The following GRM4 variants were observed in gnomAD, a reference collection of about 807,000 sequenced individuals.
The protein encoded by GRM4 is metabotropic glutamate receptor 4.
A neutral mutation model predicts 81.7 loss-of-function variants in GRM4; 28 were observed. That is an observed-to-expected ratio of 0.34 (90% confidence interval 0.25 to 0.47). The LOEUF (loss-of-function observed/expected upper bound fraction) is 0.47, where lower values mean the gene tolerates loss of function less well. Ranked by LOEUF, GRM4 falls within the 20% of genes least tolerant of loss-of-function variation. GRM4 has a pLI of 1.00. For missense variants in GRM4, 948 were observed against 1,290.0 expected (o/e 0.73, Z 4.06); for synonymous variants, 488 against 528.8 (o/e 0.92, Z 1.06).
At chr6:34,125,557 AG>A (rs1412280788) in intron 2 of GRM4, among the ~76,000 whole-genome samples, 6 of 152,236 alleles carry the variant, frequency 3.9e-5, no homozygotes, top group Non-Finnish European at 8.8e-5. Flanking sequence ...ACAAGCTGCT[AG>A]GCTTGAGAGC....
At chr6:34,108,537 C>T (rs1033011001) in intron 2 of GRM4, among the ~76,000 whole-genome samples, 1 of 152,206 alleles carries the variant, frequency 6.6e-6, no homozygotes, top group African/African-American at 2.4e-5. Context: ...AAGGATTGGA[C>T]GGAATCACCT....
chr6:34,125,314 T>C (rs778774142), intron 2 of GRM4, among the ~76,000 whole-genome samples: 6 of 152,222 alleles, frequency 3.9e-5, no homozygotes, highest in Non-Finnish European at 7.3e-5. Flanking sequence ...ACATCCTGCC[T>C]GCCTCCATTC....
intron 2 of GRM4, among the ~76,000 whole-genome samples, chr6:34,117,080 C>T (rs1769629632): frequency 6.6e-6 from 1 of 152,132 alleles, no homozygotes; most frequent in Admixed American, 6.5e-5. Flanking sequence ...TATCGGATAC[C>T]GGCAAATGCA....
Position 34,059,272 on chromosome 6 carries a change from A to C in GRM4, c.873-144T>G. 1.4e-6 allele frequency: 1 copy of C among 717,254 alleles called. No individual in the cohort carries two copies. Among genetic ancestry groups the C allele is most frequent in the Non-Finnish European group, 2.4e-6 (1 of 425,384 alleles). The allele number at this position is 717,254 out of a possible 1,614,324, so 44.4% of individuals were successfully genotyped here. A position where few individuals can be genotyped will look rare whatever the true frequency, so the allele number is the denominator to read the frequency against. On this transcript the variant is annotated intron_variant, in intron 4 of 10. Coordinates refer to ENST00000538487, the MANE Select transcript of GRM4 (RefSeq NM_000841.4). This position sits in a 1 kb window ranked among gnomAD's most constrained non-coding sequence, Gnocchi z 5.7. Reference sequence around the variant, plus strand: ...GTCCCAGCACCGATGCTTTCACCCCAAGCCATGGATTCCCCCTACCCGCTG... The same window carrying C: ...GTCCCAGCACCGATGCTTTCACCCCCAGCCATGGATTCCCCCTACCCGCTG...
At chr6:34,072,981 TACCACACACACACATCACACAGATACAC>T (rs1767048150) in intron 3 of GRM4, among the ~76,000 whole-genome samples, 1 of 8,166 alleles carries the variant, frequency 1.2e-4, no homozygotes, top group Non-Finnish European at 2.5e-4. Context: ...CACAGATACA[TACCACACACACACATCACACAGATACAC>T]ACCACACACA....
Position 34,048,796 on chromosome 6 carries a change from C to T in GRM4, c.1168+7748G>A, listed in dbSNP as rs1765473443. Among the ~76,000 whole-genome samples, 1 of 152,076 alleles carries T rather than the reference C, an allele frequency of 6.6e-6. No individual in the cohort carries two copies. The highest frequency in any genetic ancestry group is 1.5e-5 in the Non-Finnish European group (1 of 68,006). On this transcript the variant is annotated intron_variant, in intron 6 of 10. Transcript: ENST00000538487. The surrounding 1 kb of genome is among the most constrained non-coding windows in gnomAD (Gnocchi z 4.0). ...CACTTCCCCTCTCGCCTTCTCTCTC[C>T]TGTTCCACCATGGTAAGCCGTGCTT...
chr6:34,150,677 C>T (rs1385371298), upstream of GRM4, among the ~76,000 whole-genome samples: 1 of 151,966 alleles, frequency 6.6e-6, no homozygotes, highest in East Asian at 1.9e-4. Flanking sequence ...GCTTCCACTT[C>T]CCTTCCCCAG....
intron 2 of GRM4, among the ~76,000 whole-genome samples, chr6:34,127,220 C>T (rs1001329321): frequency 3.3e-5 from 5 of 152,084 alleles, no homozygotes; most frequent in Non-Finnish European, 5.9e-5. Context: ...AGGAAAAGAA[C>T]AGGGAAAGAG....
chr6:34,056,076 C>T lies in GRM4; in HGVS notation c.1168+468G>A, dbSNP rs554015943. 85 of 154,752 alleles carry T rather than the reference C, an allele frequency of 5.5e-4. 1 individual carries two copies. In the South Asian group the frequency reaches 0.01, roughly 19 times the overall value. The allele number at this position is 154,752 out of a possible 1,614,324, so 9.6% of individuals were successfully genotyped here. A position where few individuals can be genotyped will look rare whatever the true frequency, so the allele number is the denominator to read the frequency against. On this transcript the variant is annotated intron_variant, in intron 6 of 10. Coordinates refer to ENST00000538487, the MANE Select transcript of GRM4 (RefSeq NM_000841.4). ...TCCCCATTAGAATAAAAACTCCAAG[C>T]GCCATTGGACTCTTTCTTCACTGCT...
rs1764672099 is a variant in GRM4 at position 34,035,844 on chromosome 6, G to A, written c.2266C>T (p.Leu756=). 1 of 1,612,560 alleles carries A rather than the reference G, an allele frequency of 6.2e-7. No homozygotes were observed. Among genetic ancestry groups the A allele is most frequent in the Non-Finnish European group, 8.5e-7 (1 of 1,178,670 alleles). ...CDISDLSLIC[L]LGYSMLLMVT... ...ATGAGCAGCATGCTGTAGCCCAGCA[G>A]GCAGATGAGCGACAGGTCCGAGATG... Residue 756 remains leucine (L), a synonymous_variant, in exon 9 of 11, where the codon CTG becomes TTG. Transcript: ENST00000538487. This position sits in a 1 kb window ranked among gnomAD's most constrained non-coding sequence, Gnocchi z 6.6.
intron 2 of GRM4, among the ~76,000 whole-genome samples, chr6:34,100,367 A>C (rs1768769422): frequency 6.6e-6 from 1 of 152,222 alleles, no homozygotes; most frequent in Non-Finnish European, 1.5e-5. Flanking sequence ...CGTGATCTGC[A>C]GTTTCCCCTC....
In GRM4 at chr6:34,092,162, A is replaced by G. The variant is rs1768266993; in HGVS notation, c.520-63T>C. 1 of 1,123,222 alleles carries G rather than the reference A, an allele frequency of 8.9e-7. No homozygotes were observed. 69.6% of individuals were successfully genotyped at this position (1,123,222 alleles called of 1,614,324 possible). On this transcript the variant is annotated intron_variant, in intron 2 of 10. Transcript: ENST00000538487. This position sits in a 1 kb window ranked among gnomAD's most constrained non-coding sequence, Gnocchi z 6.8. The stretch of plus-strand genomic sequence containing the variant: ...CTCCCCACCCTGCCTAGCCAGCCCC[A>G]TTCCCCTACACACCAACCTCCCTTT...
chr6:34,026,622 C>T (rs1764145980), intron 10 of GRM4, among the ~76,000 whole-genome samples: 1 of 152,110 alleles, frequency 6.6e-6, no homozygotes, highest in Non-Finnish European at 1.5e-5. Flanking sequence ...CTCCACACCC[C>T]TCCTCTGGCA....
intron 2 of GRM4, among the ~76,000 whole-genome samples, chr6:34,126,492 CT>C (rs1309318500): frequency 1.3e-5 from 2 of 152,204 alleles, no homozygotes; most frequent in Non-Finnish European, 2.9e-5. Flanking sequence ...GCAATCCCCC[CT>C]GACTAGGAGC....
At chr6:34,107,956 C>T (rs1429809698) in intron 2 of GRM4, among the ~76,000 whole-genome samples, 1 of 152,232 alleles carries the variant, frequency 6.6e-6, no homozygotes, top group East Asian at 1.9e-4. Context: ...ACACAAGGGC[C>T]TGGAGCCAGG....
Position 34,133,925 on chromosome 6 carries a change from T to C in GRM4, c.-363-66A>G, listed in dbSNP as rs1581731446. The C allele has an allele frequency of 1.4e-6, 1 of 710,622 alleles. No individual in the cohort carries two copies. The highest frequency in any genetic ancestry group is 1.7e-6 in the Non-Finnish European group (1 of 576,102). 44.0% of individuals were successfully genotyped at this position (710,622 alleles called of 1,614,324 possible). A position where few individuals can be genotyped will look rare whatever the true frequency, so the allele number is the denominator to read the frequency against. On this transcript the variant is annotated intron_variant, in intron 1 of 10. Transcript: ENST00000538487. The surrounding 1 kb of genome is among the most constrained non-coding windows in gnomAD (Gnocchi z 6.5). Reference sequence around the variant, plus strand: ...CCAAAGAAGACATTAGCTAGTCTCATCTCTCATCAGGAGCCTGAGAGAAGG... The same window carrying C: ...CCAAAGAAGACATTAGCTAGTCTCACCTCTCATCAGGAGCCTGAGAGAAGG...
chr6:34,099,463 C>CA (rs200608636), intron 2 of GRM4, among the ~76,000 whole-genome samples: 4,626 of 152,050 alleles, frequency 0.03, 153 homozygotes, highest in African/African-American at 0.081. Context: ...GCGGGAGACT[C>CA]ACGGCATTGG....
At chr6:34,104,350 C>T (rs1392069263) in intron 2 of GRM4, among the ~76,000 whole-genome samples, 1 of 152,228 alleles carries the variant, frequency 6.6e-6, no homozygotes, top group Admixed American at 6.5e-5. Flanking sequence ...CACGAGGCTA[C>T]TGGAGTGTTC....
In GRM4 at chr6:34,111,789, C is replaced by T. The variant is rs370661722; in HGVS notation, c.520-19690G>A. Among the ~76,000 whole-genome samples, 24 of 152,306 alleles carry T rather than the reference C, an allele frequency of 1.6e-4. No individual in the cohort carries two copies. In the East Asian group the frequency reaches 3.3e-3, roughly 21 times the overall value. On this transcript the variant is annotated intron_variant, in intron 2 of 10. Coordinates refer to ENST00000538487, the MANE Select transcript of GRM4 (RefSeq NM_000841.4). This position sits in a 1 kb window ranked among gnomAD's most constrained non-coding sequence, Gnocchi z 5.1. Reference sequence around the variant, plus strand: ...TTGGGGATGCCCAGAGGCTGCCCCCCGGGACACCATGGGCTGATGTTGGCA... The same window carrying T: ...TTGGGGATGCCCAGAGGCTGCCCCCTGGGACACCATGGGCTGATGTTGGCA...
Sources: gnomAD v4.1 joint callset for allele counts (sites outside exome capture counted in the v4.1 genomes callset) on GRCh38, gnomAD v4.1.1 for gene constraint, Gnocchi (gnomAD v3.1) non-coding constraint, MANE v1.5 for transcripts, NCBI Gene and HGNC (gene_info 2026-07-23, HGNC 2026-07-21) for gene names.